KAZN: variants seen among roughly 807,000 people sequenced by gnomAD.
The protein encoded by KAZN is kazrin.
KAZN carries 40 observed loss-of-function variants against 87.4 expected under a neutral mutation model. The ratio of observed to expected loss-of-function variants is 0.46; its 90% confidence interval spans 0.36 to 0.60. The LOEUF (loss-of-function observed/expected upper bound fraction) is 0.60. KAZN is among the 20% of genes least tolerant of loss of function. The probability of loss-of-function intolerance (pLI) is 0.00; values close to 1 mark genes in which losing one functional copy is unlikely to be tolerated. For missense variants in KAZN, 898 were observed against 1,073.9 expected, an observed-to-expected ratio of 0.84 and a Z score of 2.29; for synonymous variants, 466 against 458.3, an observed-to-expected ratio of 1.02 and a Z score of -0.22.
chr1:15,046,281 G>A (rs1214617789), intron 4 of KAZN, among the ~76,000 whole-genome samples: 2 of 122,264 alleles, frequency 1.6e-5, no homozygotes, highest in Admixed American at 8.3e-5. Flanking sequence ...CTGGGCAACA[G>A]AGCAAGACTC....
intron 1 of KAZN, among the ~76,000 whole-genome samples, chr1:14,920,382 CCT>C (rs1028337398): frequency 2.0e-5 from 3 of 151,378 alleles, no homozygotes; most frequent in African/African-American, 4.9e-5. Flanking sequence ...CTCCCCACCC[CCT>C]GTCTGGACTG....
At chr1:15,032,317 C>T (rs1054331785) in intron 2 of KAZN, among the ~76,000 whole-genome samples, 33 of 151,290 alleles carry the variant, frequency 2.2e-4, no homozygotes, top group Non-Finnish European at 3.5e-4. Context: ...CTCAGCCTCC[C>T]GAGTAGCTGG....
At chr1:14,796,358 C>T (rs765654744) in intron 1 of KAZN, among the ~76,000 whole-genome samples, 3 of 152,190 alleles carry the variant, frequency 2.0e-5, no homozygotes, top group Non-Finnish European at 4.4e-5. Context: ...AGTGAAGCCA[C>T]GTGTCATGTC....
chr1:14,037,236 C>A (rs890494362), intron 1 of KAZN, among the ~76,000 whole-genome samples: 1 of 152,196 alleles, frequency 6.6e-6, no homozygotes, highest in Non-Finnish European at 1.5e-5. Context: ...CATGGCAGTT[C>A]CTTGTTAAGA....
chr1:14,353,337 G>A (rs1373362445), intron 2 of KAZN, among the ~76,000 whole-genome samples: 1 of 68,510 alleles, frequency 1.5e-5, no homozygotes, highest in Non-Finnish European at 2.8e-5. Context: ...CCATTCTCCT[G>A]CCTCAGCCTC....
intron 2 of KAZN, among the ~76,000 whole-genome samples, chr1:14,225,415 T>A (rs1647227615): frequency 6.6e-6 from 1 of 152,166 alleles, no homozygotes; most frequent in Non-Finnish European, 1.5e-5. Flanking sequence ...TCCATGGTCA[T>A]GGATAGAAAG....
At chr1:14,600,666 C>CAAAAAAAAAAAAAAA (rs59840012) in intron 1 of KAZN, among the ~76,000 whole-genome samples, 4 of 118,510 alleles carry the variant, frequency 3.4e-5, no homozygotes, top group Non-Finnish European at 5.3e-5. Context: ...GGAACCTGTG[C>CAAAAAAAAAAAAAAA]AAAAAAAAAA....
intron 1 of KAZN, among the ~76,000 whole-genome samples, chr1:14,727,215 G>A (rs1327019563): frequency 1.3e-5 from 2 of 152,054 alleles, no homozygotes; most frequent in African/African-American, 4.8e-5. Flanking sequence ...CCCAGCACTG[G>A]GCAGGGAGAT....
intron 1 of KAZN, among the ~76,000 whole-genome samples, chr1:14,806,008 C>G (rs1572531403): frequency 6.6e-6 from 1 of 152,166 alleles, no homozygotes; most frequent in Non-Finnish European, 1.5e-5. Flanking sequence ...TTTTAGAATT[C>G]TTCCTCTTAG....
intron 1 of KAZN, among the ~76,000 whole-genome samples, chr1:14,106,710 T>G (rs1049786187): frequency 6.6e-6 from 1 of 152,150 alleles, no homozygotes; most frequent in Admixed American, 6.6e-5. Flanking sequence ...TTTGGTTAAG[T>G]AGTAGATTAG....
At chr1:14,044,372 A>G (rs1641968176) in intron 1 of KAZN, among the ~76,000 whole-genome samples, 1 of 124,248 alleles carries the variant, frequency 8.0e-6, no homozygotes, top group South Asian at 2.7e-4. Context: ...GACACAGGGT[A>G]TGGAAACTCA....
chr1:13,981,761 C>T (rs1638720372), intron 1 of KAZN, among the ~76,000 whole-genome samples: 1 of 152,208 alleles, frequency 6.6e-6, no homozygotes, highest in African/African-American at 2.4e-5. Flanking sequence ...GAGTTCTCTT[C>T]TGGCTCTCGT....
chr1:15,091,281 T>G (rs925272273), intron 8 of KAZN, among the ~76,000 whole-genome samples: 2 of 152,210 alleles, frequency 1.3e-5, no homozygotes, highest in African/African-American at 4.8e-5. Context: ...ATTATACACT[T>G]TACATCTACA....
intron 2 of KAZN, among the ~76,000 whole-genome samples, chr1:14,364,886 C>T (rs1659838799): frequency 6.6e-6 from 1 of 152,134 alleles, no homozygotes; most frequent in Non-Finnish European, 1.5e-5. Flanking sequence ...TTCACTTCAT[C>T]CTTCCTCTGT....
At chr1:14,473,152 T>A (rs991451152) in intron 2 of KAZN, among the ~76,000 whole-genome samples, 1 of 152,192 alleles carries the variant, frequency 6.6e-6, no homozygotes, top group Non-Finnish European at 1.5e-5. Flanking sequence ...AGGTTTGAGA[T>A]GTTATCTTTA....
chr1:14,714,167 A>G (rs1642654043), intron 1 of KAZN, among the ~76,000 whole-genome samples: 1 of 152,116 alleles, frequency 6.6e-6, no homozygotes, highest in South Asian at 2.1e-4. Flanking sequence ...TCTGGTTACC[A>G]TCATACTGGT....
At chr1:14,887,384 C>T (rs1274090350) in intron 1 of KAZN, among the ~76,000 whole-genome samples, 2 of 152,140 alleles carry the variant, frequency 1.3e-5, no homozygotes, top group Admixed American at 6.5e-5. Context: ...CATGGGCTGC[C>T]GCTGAGATCC....
intron 1 of KAZN, among the ~76,000 whole-genome samples, chr1:14,115,312 G>A (rs374597252): frequency 9.8e-5 from 15 of 152,332 alleles, no homozygotes; most frequent in East Asian, 1.9e-4. Context: ...CTCCTGATAT[G>A]GTTTGGCTGT....
intron 1 of KAZN, among the ~76,000 whole-genome samples, chr1:13,943,379 A>G (rs1453707931): frequency 6.6e-6 from 1 of 152,120 alleles, no homozygotes; most frequent in Non-Finnish European, 1.5e-5. Context: ...CTGAGGTGGG[A>G]GGATCCCTTG....
Sources: gnomAD v4.1 joint callset for allele counts (sites outside exome capture counted in the v4.1 genomes callset) on GRCh38, gnomAD v4.1.1 for gene constraint, MANE v1.5 for transcripts, NCBI Gene and HGNC (gene_info 2026-07-23, HGNC 2026-07-21) for gene names.